Variants in EHD1 observed in about 807,000 individuals in gnomAD.
The protein encoded by EHD1 is EH domain-containing protein 1.
A neutral mutation model predicts 39.0 loss-of-function variants in EHD1; 19 were observed. The observed-to-expected ratio is 0.49, with a 90% confidence interval of 0.34 to 0.72. The LOEUF (loss-of-function observed/expected upper bound fraction) is 0.72, where lower values mean the gene tolerates loss of function less well. Ranked by LOEUF, EHD1 falls within the 30% of genes least tolerant of loss-of-function variation. The probability of loss-of-function intolerance (pLI) is 0.01; values close to 1 mark genes in which losing one functional copy is unlikely to be tolerated. For synonymous variants in EHD1, 323 were observed against 331.2 expected, an observed-to-expected ratio of 0.98 and a Z score of 0.27; for missense variants, 542 against 751.5, an observed-to-expected ratio of 0.72 and a Z score of 3.26.
chr11:64,854,365 G>A lies in EHD1; in HGVS notation c.1573C>T (p.Leu525=), dbSNP rs759301415. The A allele has an allele frequency of 6.2e-7, 1 of 1,612,190 alleles. No individual in the cohort carries two copies. Among genetic ancestry groups the A allele is most frequent in the Admixed American group, 1.7e-5 (1 of 59,964 alleles). Reference sequence around the variant, plus strand: ...TGTCTGCGCTTGGAGGGCGGCACCAGGTGCGGGGGCAGGTCGGCGGGCAGC... The same window carrying A: ...TGTCTGCGCTTGGAGGGCGGCACCAAGTGCGGGGGCAGGTCGGCGGGCAGC... ...HELPADLPPH[L]VPPSKRRHE is the part of the protein sequence containing the mutation. Residue 525 remains leucine (L), a synonymous_variant, in exon 5 of 5, where the codon CTG becomes TTG. Transcript: ENST00000320631.
In EHD1 at chr11:64,860,101, G is replaced by C; in HGVS notation, c.738C>G (p.Thr246=). Residue 246 remains threonine, a synonymous_variant, in exon 3 of 5, where the codon ACC becomes ACG. Transcript: ENST00000320631. ...LMWSLGKIIN[T]PEVVRVYIGS... is the part of the protein sequence containing the mutation. ...CGATGTAGACCCTGACCACCTCGGGGGTGTTGATGATCTTGCCCAGGGACC... is the reference window on the plus strand; with the variant it reads ...CGATGTAGACCCTGACCACCTCGGGCGTGTTGATGATCTTGCCCAGGGACC... 6.2e-7 allele frequency: 1 copy of C among 1,614,166 alleles called. No homozygotes were observed. Among genetic ancestry groups the C allele is most frequent in the Non-Finnish European group, 8.5e-7 (1 of 1,180,036 alleles).
At chr11:64,866,362 A>G (rs1943766795) in intron 2 of EHD1, among the ~76,000 whole-genome samples, 1 of 152,130 alleles carries the variant, frequency 6.6e-6, no homozygotes, top group African/African-American at 2.4e-5. Context: ...AACAACAGAC[A>G]CCAGGGCCTA....
intron 2 of EHD1, among the ~76,000 whole-genome samples, chr11:64,872,920 C>T (rs1044555408): frequency 1.3e-5 from 2 of 152,238 alleles, no homozygotes; most frequent in South Asian, 2.1e-4. Context: ...GTAAGGGACA[C>T]GGGAAGGATC....
chr11:64,859,824 G>C, intron 3 of EHD1, 100 bp downstream of exon 3: 1 of 1,463,476 alleles, frequency 6.8e-7, no homozygotes, highest in Non-Finnish European at 9.1e-7. Context: ...TGTGAAGTGA[G>C]CTGGGAAGGG....
intron 3 of EHD1, among the ~76,000 whole-genome samples, chr11:64,857,590 G>A (rs1943667361): frequency 6.6e-6 from 1 of 152,090 alleles, no homozygotes; most frequent in South Asian, 2.1e-4. Flanking sequence ...AGGGTACTTG[G>A]GGCACAATGG....
In EHD1 at chr11:64,874,408, C is replaced by G; in HGVS notation, c.502+13G>C. 1.3e-6 allele frequency: 2 copies of G among 1,582,168 alleles called. No individual in the cohort carries two copies. The highest frequency in any genetic ancestry group is 1.7e-6 in the Non-Finnish European group (2 of 1,164,046). On this transcript the variant is annotated intron_variant, in intron 2 of 4. Coordinates refer to ENST00000320631, the MANE Select transcript of EHD1 (RefSeq NM_006795.4). The stretch of plus-strand genomic sequence containing the variant: ...CAACACCAGCAGCCCGAGCTGTGGT[C>G]ACAGCTGTTTACCTCTGCTGATCCG...
rs1184789569 is a variant in EHD1 at position 64,854,624 on chromosome 11, C to A, written c.1314G>T (p.Glu438Asp). The A allele has an allele frequency of 6.2e-7, 1 of 1,613,960 alleles. No individual in the cohort carries two copies. Among genetic ancestry groups the A allele is most frequent in the South Asian group, 1.1e-5 (1 of 91,094 alleles). The change falls in exon 5 of 5, where the codon GAG becomes GAT. Residue 438 changes from glutamate to aspartate, a missense_variant. Glu to Asp is a conservative substitution (Grantham distance 45, BLOSUM62 2). Transcript: ENST00000320631. ...TGGGCTTGTCCTTGCCCACCACCCA[C>A]TCCACGTCGTCGATGCCCTCGCCGG... ...EGAGEGIDDVEWVVGKDKPTY... is the reference protein window; with the variant it reads ...EGAGEGIDDVDWVVGKDKPTY...
chr11:64,869,449 C>T (rs1166035072), intron 2 of EHD1, among the ~76,000 whole-genome samples: 1 of 152,226 alleles, frequency 6.6e-6, no homozygotes, highest in Non-Finnish European at 1.5e-5. Flanking sequence ...GGATACTCCC[C>T]AGGATGTTAC....
upstream of EHD1, chr11:64,879,046 T>G: frequency 3.0e-6 from 3 of 998,974 alleles, no homozygotes; most frequent in Non-Finnish European, 3.6e-6. Flanking sequence ...CGTGCGGTCC[T>G]CCAGCTGGCT....
chr11:64,870,478 G>A (rs985731971), intron 2 of EHD1, among the ~76,000 whole-genome samples: 2 of 152,238 alleles, frequency 1.3e-5, no homozygotes, highest in East Asian at 1.9e-4. Context: ...TAACTCAATG[G>A]AACTCACTGA....
intron 1 of EHD1, chr11:64,877,700 T>G (rs533765914): frequency 1.7e-5 from 4 of 238,314 alleles, no homozygotes; most frequent in Non-Finnish European, 3.2e-5. Context: ...GTGAATTAGG[T>G]GCATCCAGCC....
chr11:64,878,147 C>G lies in EHD1; in HGVS notation c.318G>C (p.Glu106Asp). The G allele has an allele frequency of 6.3e-7, 1 of 1,586,920 alleles. No homozygotes were observed. The highest frequency in any genetic ancestry group is 8.6e-7 in the Non-Finnish European group (1 of 1,160,772). Residue 106 changes from glutamate to aspartate, a missense_variant, in exon 1 of 5, where the codon GAG becomes GAC. By Grantham distance (45) the Glu-to-Asp change is conservative. Transcript: ENST00000320631. ...CGAGCGCGTTGCCCGGCACCACGCC[C>G]TCAGTGGGGCCGTGCATGACGGCGA... ...SFIAVMHGPT[E>D]GVVPGNALVV...
rs762317528 is a variant in EHD1, at chr11:64,868,987, G to A, written c.502+5434C>T. On this transcript the variant is annotated intron_variant, in intron 2 of 4. Coordinates refer to ENST00000320631, the MANE Select transcript of EHD1 (RefSeq NM_006795.4). This position sits in a 1 kb window ranked among gnomAD's most constrained non-coding sequence, Gnocchi z 4.2. ...TAGTAGGTTTCCAGCTTGGAGGGCCGCGGGAGGATGGAGTGAGCCTGGCAC... is the reference window on the plus strand; with the variant it reads ...TAGTAGGTTTCCAGCTTGGAGGGCCACGGGAGGATGGAGTGAGCCTGGCAC... 3.3e-5 allele frequency among the ~76,000 whole-genome samples: 5 copies of A among 152,182 alleles called. No individual in the cohort carries two copies. The highest frequency in any genetic ancestry group is 7.2e-5 in the African/African-American group (3 of 41,440).
At chr11:64,878,769 A>G (rs1033647281), upstream of EHD1, 17 of 1,255,272 alleles carry the variant, frequency 1.4e-5, no homozygotes, top group African/African-American at 3.2e-5. Context: ...GTCTTCCCCT[A>G]CCCCGCCCCC....
At chr11:64,865,905 G>A (rs760739913) in intron 2 of EHD1, among the ~76,000 whole-genome samples, 2 of 152,212 alleles carry the variant, frequency 1.3e-5, no homozygotes, top group Non-Finnish European at 2.9e-5. Context: ...ATACGCTGCT[G>A]GTGGGAATGT....
rs999422950 is a variant in EHD1 at position 64,878,522 on chromosome 11, G to A, written c.-58C>T. On this transcript the variant is annotated 5_prime_UTR_variant, in exon 1 of 5. Coordinates refer to ENST00000320631, the MANE Select transcript of EHD1 (RefSeq NM_006795.4). The stretch of plus-strand genomic sequence containing the variant: ...AGAGCGGCGGCTGAGAGCGGGGCGA[G>A]GGTGCGGAGCCGAGGCGGGGCCGGC... 15 of 1,529,214 alleles carry A rather than the reference G, an allele frequency of 9.8e-6. No individual in the cohort carries two copies. Among genetic ancestry groups the A allele is most frequent in the Non-Finnish European group, 1.3e-5 (15 of 1,142,096 alleles). 94.7% of individuals were successfully genotyped at this position (1,529,214 alleles called of 1,614,324 possible). A position where few individuals can be genotyped will look rare whatever the true frequency, so the allele number is the denominator to read the frequency against.
At chr11:64,878,852 T>C (rs951463163), upstream of EHD1, 1 of 1,101,768 alleles carries the variant, frequency 9.1e-7, no homozygotes, top group Non-Finnish European at 1.1e-6. Flanking sequence ...GCCCCGCCCC[T>C]CGTAGGGAGG....
At chr11:64,878,758 C>T (rs1262186148), upstream of EHD1, 1 of 1,295,960 alleles carries the variant, frequency 7.7e-7, no homozygotes, top group Non-Finnish European at 9.8e-7. Flanking sequence ...ACTGGTGCCA[C>T]GTCTTCCCCT....
At chr11:64,874,375 A>T (rs1452805352) in intron 2 of EHD1, 46 bp downstream of exon 2, 5 of 1,515,094 alleles carry the variant, frequency 3.3e-6, no homozygotes, top group Non-Finnish European at 4.5e-6. Context: ...AGAGAGAAGG[A>T]TGTGTGACAA....
Sources: allele counts gnomAD v4.1 joint callset (sites outside exome capture counted in the v4.1 genomes callset), GRCh38; gene constraint gnomAD v4.1.1; non-coding constraint Gnocchi (gnomAD v3.1); transcripts MANE v1.5; gene names NCBI Gene and HGNC (gene_info 2026-07-23, HGNC 2026-07-21).